POLGARF: variants seen among roughly 807,000 people sequenced by gnomAD.
POLGARF encodes the protein POLG alternative reading frame.
the POLGARF span, chr15:89,330,336 C>T: frequency 7.7e-7 from 1 of 1,294,348 alleles, no homozygotes; most frequent in Non-Finnish European, 1.1e-6. Context: ...CACTCCACAA[C>T]AACCACTGCA....
chr15:89,333,800 T>TGGGCTCCAGCTTGGCTTC, the POLGARF span: 1 of 1,533,870 alleles, frequency 6.5e-7, no homozygotes, highest in Non-Finnish European at 8.7e-7. Context: ...CACCTGGCTT[T>TGGGCTCCAGCTTGGCTTC]GGGCTCCAGC....
At chr15:89,330,833 G>A in the POLGARF span, among the ~76,000 whole-genome samples, 59 of 151,066 alleles carry the variant, frequency 3.9e-4, no homozygotes, top group Non-Finnish European at 7.2e-4. Context: ...ACACACCTTG[G>A]AGAAGCAACC....
chr15:89,333,290 G>C, the POLGARF span: 1 of 1,555,782 alleles, frequency 6.4e-7, no homozygotes, highest in Non-Finnish European at 8.7e-7. Flanking sequence ...GCAACAGCAA[G>C]TTGGCCGCCT....
At chr15:89,330,301 G>C in the POLGARF span, 1 of 1,583,230 alleles carries the variant, frequency 6.3e-7, no homozygotes, top group Non-Finnish European at 8.6e-7. Flanking sequence ...AGGCAGGCAG[G>C]TTCACCATGG....
the POLGARF span, chr15:89,333,536 T>C: frequency 1.2e-6 from 2 of 1,612,788 alleles, no homozygotes; most frequent in Non-Finnish European, 1.7e-6. Context: ...GGATGTCCAA[T>C]GGGTTGTGCC....
the POLGARF span, among the ~76,000 whole-genome samples, chr15:89,330,596 G>C: frequency 2.0e-5 from 3 of 152,170 alleles, no homozygotes; most frequent in African/African-American, 7.2e-5. Context: ...CGTTCACTGA[G>C]TCTGCATCTA....
the POLGARF span, chr15:89,332,986 C>T: frequency 4.2e-6 from 6 of 1,416,196 alleles, no homozygotes; most frequent in East Asian, 1.4e-4. Flanking sequence ...CATCAGCGCT[C>T]CCTACGTGAG....
At chr15:89,333,287 C>T in the POLGARF span, 6 of 1,555,830 alleles carry the variant, frequency 3.9e-6, no homozygotes, top group African/African-American at 1.4e-5. Context: ...CCTGCAACAG[C>T]AAGTTGGCCG....
chr15:89,333,766 G>T, the POLGARF span: 3 of 1,535,000 alleles, frequency 2.0e-6, no homozygotes, highest in South Asian at 3.6e-5. Flanking sequence ...GTTGGTGCAG[G>T]GACCCCCACG....
the POLGARF span, chr15:89,333,293 G>T: frequency 6.4e-7 from 1 of 1,555,026 alleles, no homozygotes; most frequent in Non-Finnish European, 8.7e-7. Context: ...ACAGCAAGTT[G>T]GCCGCCTCCA....
the POLGARF span, chr15:89,333,046 T>A: frequency 5.3e-6 from 8 of 1,499,046 alleles, no homozygotes; most frequent in Non-Finnish European, 7.1e-6. Context: ...AACAAACTAT[T>A]AAGCTGGGCC....
chr15:89,331,198 T>A, the POLGARF span, among the ~76,000 whole-genome samples: 1 of 152,156 alleles, frequency 6.6e-6, no homozygotes, highest in African/African-American at 2.4e-5. Context: ...ACTAACTTCT[T>A]TCAAAGAGAA....
the POLGARF span, among the ~76,000 whole-genome samples, chr15:89,331,827 C>T: frequency 6.6e-6 from 1 of 150,854 alleles, no homozygotes; most frequent in Non-Finnish European, 1.5e-5. Flanking sequence ...TGAGCCCAGG[C>T]CTTAACAGTG....
the POLGARF span, chr15:89,330,314 A>C: frequency 2.0e-6 from 3 of 1,520,334 alleles, no homozygotes; most frequent in Admixed American, 1.7e-5. Flanking sequence ...CACCATGGAG[A>C]CATTAAACTT....
chr15:89,332,990 A>G, the POLGARF span: 1 of 1,421,054 alleles, frequency 7.0e-7, no homozygotes, highest in Non-Finnish European at 9.4e-7. Flanking sequence ...AGCGCTCCCT[A>G]CGTGAGCACC....
the POLGARF span, chr15:89,333,013 G>A: frequency 2.7e-6 from 4 of 1,484,690 alleles, no homozygotes; most frequent in Non-Finnish European, 3.6e-6. Context: ...GCCCGTAACA[G>A]GACCTCAGAA....
At chr15:89,330,864 A>T in the POLGARF span, among the ~76,000 whole-genome samples, 2 of 152,154 alleles carry the variant, frequency 1.3e-5, no homozygotes. Context: ...AGAACCAGGG[A>T]AAGTGCCAGA....
At chr15:89,331,935 A>C in the POLGARF span, among the ~76,000 whole-genome samples, 1 of 152,194 alleles carries the variant, frequency 6.6e-6, no homozygotes, top group Non-Finnish European at 1.5e-5. Context: ...GAGGGAAAGG[A>C]GAGGTAAAAA....
the POLGARF span, chr15:89,332,128 C>T: frequency 6.6e-6 from 1 of 152,208 alleles, no homozygotes; most frequent in African/African-American, 2.4e-5. Flanking sequence ...CATCAAGTTA[C>T]ATATTCTAAG....
Sources: gnomAD v4.1 joint callset for allele counts (sites outside exome capture counted in the v4.1 genomes callset) on GRCh38, gnomAD v4.1.1 for gene constraint, MANE v1.5 for transcripts, NCBI Gene and HGNC (gene_info 2026-07-23, HGNC 2026-07-21) for gene names.